Variants in YRDC observed in about 807,000 individuals in gnomAD.
YRDC encodes threonylcarbamoyl-AMP synthase.
A neutral mutation model predicts 21.5 loss-of-function variants in YRDC; 17 were observed. The ratio of observed to expected loss-of-function variants is 0.79; its 90% CI spans 0.54 to 1.19. The LOEUF (loss-of-function observed/expected upper bound fraction) is 1.19, where lower values mean the gene tolerates loss of function less well. YRDC is among the 50% of genes most tolerant of loss of function. The pLI is 0.00. For synonymous variants in YRDC, 193 were observed against 176.7 expected (o/e 1.09, Z -0.73); for missense variants, 380 against 397.1 (o/e 0.96, Z 0.37).
chr1:37,803,257 A>G lies in YRDC; in HGVS notation c.*668T>C, dbSNP rs956813819. The G allele has an allele frequency of 1.3e-5, 2 of 152,290 alleles. No homozygotes were observed. The highest frequency in any genetic ancestry group is 4.8e-5 in the African/African-American group (2 of 41,464). 9.4% of individuals were successfully genotyped at this position (152,290 alleles called of 1,614,324 possible). A position where few individuals can be genotyped will look rare whatever the true frequency, so the allele number is the denominator to read the frequency against. On this transcript the variant is annotated 3_prime_UTR_variant, in exon 5 of 5. Coordinates refer to ENST00000373044, the MANE Select transcript of YRDC (RefSeq NM_024640.4). ...AAGACTGCTCTCCCTGCGAGCAATT[A>G]CAATACATGACACCACTAGGCCCAA...
At position 37,803,857 on chromosome 1, in the gene YRDC, G is replaced by A. The variant is rs1646717582; in HGVS notation, c.*68C>T. Reference sequence around the variant, plus strand: ...CGGTGGCCTCTGCAAATGAGGCCTTGACAGTCGTCAGTGGACAGACACATA... The same window carrying A: ...CGGTGGCCTCTGCAAATGAGGCCTTAACAGTCGTCAGTGGACAGACACATA... On this transcript the variant is annotated 3_prime_UTR_variant, in exon 5 of 5. Transcript: ENST00000373044. 1.3e-6 allele frequency: 2 copies of A among 1,573,810 alleles called. No individual in the cohort carries two copies. The highest frequency in any genetic ancestry group is 1.7e-6 in the Non-Finnish European group (2 of 1,147,086).
At chr1:37,807,587 C>A in intron 1 of YRDC, 2 of 1,028,728 alleles carry the variant, frequency 1.9e-6, no homozygotes, top group Non-Finnish European at 2.7e-6. Context: ...AGGGTCCCTG[C>A]CTTTCTCGTG....
At position 37,804,374 on chromosome 1, in the gene YRDC, G is replaced by A. The variant is rs1304452935; in HGVS notation, c.695C>T (p.Pro232Leu). 6.2e-7 allele frequency: 1 copy of A among 1,614,152 alleles called. No individual in the cohort carries two copies. The part of the protein sequence containing the change: ...DGGQIGDGQS[P>L]ECRLGSTVVD... ...CACAGTTGAGCCAAGGCGACACTCG[G>A]GGCTCTGGCCATCCCCAATTTGTCC... Residue 232 changes from proline (P) to leucine (L), a missense_variant, in exon 4 of 5, where the codon CCC becomes CTC. Physicochemically the swap from Pro to Leu is moderately conservative, Grantham distance 98. Transcript: ENST00000373044.
chr1:37,807,768 G>A (rs923166458), intron 1 of YRDC, 24 bp downstream of exon 1: 4 of 1,482,028 alleles, frequency 2.7e-6, no homozygotes, highest in Admixed American at 2.3e-5. Flanking sequence ...CGCCCCTAGC[G>A]GGGCCGGGTC....
rs761392342 is a variant in YRDC at position 37,804,372 on chromosome 1, C to T, written c.697G>A (p.Glu233Lys). ...ACCACAGTTGAGCCAAGGCGACACT[C>T]GGGGCTCTGGCCATCCCCAATTTGT... ...GGQIGDGQSP[E>K]CRLGSTVVDL... The change falls in exon 4 of 5, where the codon GAG becomes AAG. Residue 233 changes from glutamate to lysine, a missense_variant. Physicochemically the swap from Glu to Lys is moderately conservative, Grantham distance 56 (BLOSUM62 1). Transcript: ENST00000373044. The T allele has an allele frequency of 5.0e-6, 8 of 1,614,044 alleles. No individual in the cohort carries two copies. The highest frequency in any genetic ancestry group is 2.7e-5 in the African/African-American group (2 of 74,928).
Position 37,807,808 on chromosome 1 carries a change from C to G in YRDC, c.373G>C (p.Val125Leu), listed in dbSNP as rs1398535981. The G allele has an allele frequency of 2.0e-6, 3 of 1,509,150 alleles. No individual in the cohort carries two copies. Among genetic ancestry groups the G allele is most frequent in the Non-Finnish European group, 2.6e-6 (3 of 1,133,304 alleles). 93.5% of individuals were successfully genotyped at this position (1,509,150 alleles called of 1,614,324 possible). A position where few individuals can be genotyped will look rare whatever the true frequency, so the allele number is the denominator to read the frequency against. ...CGGCCTTACCTGTAGACGTCGGCCA[C>G]GCGGCCGAGGCATACGGCCAGAGGC... Reference protein sequence around the residue: ...AKPLAVCLGRVADVYRYCRVR... With the variant: ...AKPLAVCLGRLADVYRYCRVR... Residue 125 changes from valine (V) to leucine (L), a missense_variant, in exon 1 of 5, where the codon GTG (valine) becomes CTG (leucine). Val to Leu is a conservative substitution (Grantham distance 32). Coordinates refer to ENST00000373044, the MANE Select transcript of YRDC (RefSeq NM_024640.4).
At chr1:37,807,516 C>T (rs1033915326) in intron 1 of YRDC, 7 of 607,032 alleles carry the variant, frequency 1.2e-5, no homozygotes, top group Non-Finnish European at 2.0e-5. Context: ...AATTAAGCTA[C>T]TGTGTTTGTT....
Position 37,803,970 on chromosome 1 carries a change from G to T in YRDC, c.795C>A (p.Leu265=). 6.2e-7 allele frequency: 1 copy of T among 1,614,162 alleles called. No individual in the cohort carries two copies. The highest frequency in any genetic ancestry group is 8.5e-7 in the Non-Finnish European group (1 of 1,180,024). The change falls in exon 5 of 5, where the codon CTC becomes CTA. Residue 265 remains leucine, a synonymous_variant. Transcript: ENST00000373044. The part of the protein sequence containing the change: ...GCALESTTAI[L]QQKYGLLPSH... ...AGGGGAGCAGTCCGTACTTCTGTTG[G>T]AGGATGGCTGTAGTACTTTCCAGGG... is the stretch of plus-strand genomic sequence containing the variant.
chr1:37,804,299 T>G lies in YRDC; in HGVS notation c.767+3A>C. The G allele has an allele frequency of 6.2e-7, 1 of 1,612,636 alleles. No individual in the cohort carries two copies. The highest frequency in any genetic ancestry group is 1.1e-5 in the South Asian group (1 of 91,026). On this transcript the variant is annotated splice_donor_region_variant and intron_variant, in intron 4 of 4. Transcript: ENST00000373044. ...TTCCCCACACCACAGGAAAGAGACT[T>G]ACCAGCCTGGACGAATGATGCCAAA...
At chr1:37,804,552 T>C in intron 3 of YRDC, 108 bp from the exon 4 acceptor site, 1 of 1,352,754 alleles carries the variant, frequency 7.4e-7, no homozygotes. Context: ...AGAAGGCACT[T>C]TCCTCTAAGC....
intron 3 of YRDC, among the ~76,000 whole-genome samples, chr1:37,805,788 G>A (rs1268130645): frequency 3.3e-5 from 5 of 152,148 alleles, no homozygotes; most frequent in South Asian, 4.1e-4. Flanking sequence ...GGAGTTCTGA[G>A]CAGGGATACG....
chr1:37,807,578 G>C, intron 1 of YRDC: 1 of 961,924 alleles, frequency 1.0e-6, no homozygotes, highest in Non-Finnish European at 1.5e-6. Flanking sequence ...CAAGGGAACA[G>C]GGTCCCTGCC....
In YRDC at chr1:37,803,775, G is replaced by T; in HGVS notation, c.*150C>A. 2 of 738,986 alleles carry T rather than the reference G, an allele frequency of 2.7e-6. No homozygotes were observed. Among genetic ancestry groups the T allele is most frequent in the South Asian group, 1.8e-5 (1 of 55,140 alleles). The allele number at this position is 738,986 out of a possible 1,614,324, so 45.8% of individuals were successfully genotyped here. A position where few individuals can be genotyped will look rare whatever the true frequency, so the allele number is the denominator to read the frequency against. On this transcript the variant is annotated 3_prime_UTR_variant, in exon 5 of 5. Transcript: ENST00000373044. ...GCTAAACCAGCAGCTCCAAGGGCTT[G>T]GTCTACAGTGCTCAGAAAGACACAC...
At position 37,806,905 on chromosome 1, in the gene YRDC, A is replaced by G; in HGVS notation, c.576T>C (p.Ala192=). The G allele has an allele frequency of 6.2e-7, 1 of 1,614,216 alleles. No individual in the cohort carries two copies. The highest frequency in any genetic ancestry group is 8.5e-7 in the Non-Finnish European group (1 of 1,180,038). Residue 192 remains alanine (A), a synonymous_variant, in exon 3 of 5, where the codon GCT becomes GCC. Transcript: ENST00000373044. ...GGGAGCTGAGGTTGGCACTAGTGAG[A>G]GCAAGCGGACCCTCAAACATCTGAG... ...DLAQMFEGPL[A]LTSANLSSQA... is the part of the protein sequence containing the mutation.
rs550659746 is a variant in YRDC at position 37,806,524 on chromosome 1, C to T, written c.624+333G>A. ...GCCTTCTTCATCTTTCTTTACAGCA[C>T]TGTCGTGAAGATTTATAGCCTAACT... On this transcript the variant is annotated intron_variant, in intron 3 of 4. Coordinates refer to ENST00000373044, the MANE Select transcript of YRDC (RefSeq NM_024640.4). Among the ~76,000 whole-genome samples the T allele has an allele frequency of 2.0e-5, 3 of 152,276 alleles. No individual in the cohort carries two copies. In the South Asian group the frequency reaches 6.2e-4, roughly 32 times the overall value.
In YRDC at chr1:37,804,087, AG is replaced by A. The variant is rs546633493; in HGVS notation, c.768-91del. ...GTGAGCAGGGACATCGAAACTGGCT[AG>A]CCTTGTTAAGCCCTGTTCATCAACC... On this transcript the variant is annotated intron_variant, in intron 4 of 4. Coordinates refer to ENST00000373044, the MANE Select transcript of YRDC (RefSeq NM_024640.4). 6.4e-3 allele frequency: 9,798 copies of A among 1,521,232 alleles called. 47 individuals carry two copies. Among genetic ancestry groups the A allele is most frequent in the Middle Eastern group, 9.2e-3 (54 of 5,852 alleles). 94.2% of individuals were successfully genotyped at this position (1,521,232 alleles called of 1,614,324 possible).
rs765466557 is a variant in YRDC, at chr1:37,806,818, G to A, written c.624+39C>T. ...CTGATTCACAGAAAACAGTATGTGCGCTGGTGACATTTCCAGGGGAAGGAC... is the reference window on the plus strand; with the variant it reads ...CTGATTCACAGAAAACAGTATGTGCACTGGTGACATTTCCAGGGGAAGGAC... On this transcript the variant is annotated intron_variant, in intron 3 of 4. Coordinates refer to ENST00000373044, the MANE Select transcript of YRDC (RefSeq NM_024640.4). The A allele has an allele frequency of 1.8e-5, 29 of 1,613,390 alleles. No homozygotes were observed. The South Asian group carries it at 2.7e-4, about 15-fold the overall frequency.
chr1:37,803,853 C>T lies in YRDC; in HGVS notation c.*72G>A. The T allele has an allele frequency of 6.4e-7, 1 of 1,560,588 alleles. No individual in the cohort carries two copies. The highest frequency in any genetic ancestry group is 8.8e-7 in the Non-Finnish European group (1 of 1,136,206). ...GCTCCGGTGGCCTCTGCAAATGAGGCCTTGACAGTCGTCAGTGGACAGACA... is the reference window on the plus strand; with the variant it reads ...GCTCCGGTGGCCTCTGCAAATGAGGTCTTGACAGTCGTCAGTGGACAGACA... On this transcript the variant is annotated 3_prime_UTR_variant, in exon 5 of 5. Transcript: ENST00000373044.
chr1:37,807,821 T>C lies in YRDC; in HGVS notation c.360A>G (p.Val120=), dbSNP rs749002800. 6.6e-6 allele frequency: 10 copies of C among 1,511,694 alleles called. 1 individual carries two copies. Among genetic ancestry groups the C allele is most frequent in the East Asian group, 2.6e-5 (1 of 38,260 alleles). 93.6% of individuals were successfully genotyped at this position (1,511,694 alleles called of 1,614,324 possible). ...AGACGTCGGCCACGCGGCCGAGGCA[T>C]ACGGCCAGAGGCTTGGCCTCGCTGC... ...KGRSEAKPLA[V]CLGRVADVYR... is the part of the protein sequence containing the mutation. The change falls in exon 1 of 5, where the codon GTA becomes GTG. Residue 120 remains valine (V), a synonymous_variant. Transcript: ENST00000373044.
Sources: gnomAD v4.1 joint callset for allele counts (sites outside exome capture counted in the v4.1 genomes callset) on GRCh38, gnomAD v4.1.1 for gene constraint, MANE v1.5 for transcripts, NCBI Gene and HGNC (gene_info 2026-07-23, HGNC 2026-07-21) for gene names.